Variants in UNC79 observed in about 807,000 individuals in gnomAD.
UNC79 encodes the protein unc-79 subunit of NALCN channel complex, also known as protein unc-79 homolog.
In UNC79, 37 loss-of-function variants were observed where a neutral mutation model predicts 283.1. The observed-to-expected ratio is 0.13, with a 90% CI of 0.10 to 0.17. The LOEUF (loss-of-function observed/expected upper bound fraction) is 0.17, where lower values mean the gene tolerates loss of function less well. Among genes scored for constraint, UNC79 ranks in the 10% least tolerant of loss-of-function variants. The pLI is 1.00. For missense variants in UNC79, 2,272 were observed against 3,211.1 expected, an observed-to-expected ratio of 0.71 and a Z score of 7.07; for synonymous variants, 1,107 against 1,200.2, an observed-to-expected ratio of 0.92 and a Z score of 1.61.
intron 26 of UNC79, 84 bp downstream of exon 26, chr14:93,603,502 G>GTA: frequency 6.9e-7 from 1 of 1,456,720 alleles, no homozygotes; most frequent in Middle Eastern, 2.3e-4. Context: ...TTCACAGAGA[G>GTA]TATAGCATGT....
intron 4 of UNC79, among the ~76,000 whole-genome samples, chr14:93,480,291 G>A (rs1002009531): frequency 6.6e-6 from 1 of 152,158 alleles, no homozygotes; most frequent in African/African-American, 2.4e-5. Flanking sequence ...GTCACTTCAT[G>A]TTCCCAAGGT....
intron 14 of UNC79, among the ~76,000 whole-genome samples, chr14:93,556,943 C>T (rs1315117427): frequency 6.6e-6 from 1 of 152,116 alleles, no homozygotes; most frequent in Non-Finnish European, 1.5e-5. Context: ...GCAACTGTTA[C>T]CAGTAAAAGG....
At chr14:93,572,666 A>G (rs1566677962) in intron 15 of UNC79, 27 bp from the exon 16 acceptor site, 2 of 1,613,336 alleles carry the variant, frequency 1.2e-6, no homozygotes, top group Non-Finnish European at 1.7e-6. Context: ...CCCATTGGTC[A>G]TTTACTTTTG....
chr14:93,497,858 C>T (rs996997386), intron 7 of UNC79, among the ~76,000 whole-genome samples: 1 of 151,870 alleles, frequency 6.6e-6, no homozygotes. Flanking sequence ...TGGTGGTGCA[C>T]GACTGTAGTC....
intron 1 of UNC79, among the ~76,000 whole-genome samples, chr14:93,418,539 G>C (rs2055515988): frequency 1.3e-5 from 2 of 151,734 alleles, no homozygotes; most frequent in South Asian, 4.2e-4. Context: ...GAGAACCACT[G>C]CTCTCTTCAA....
intron 30 of UNC79, among the ~76,000 whole-genome samples, chr14:93,625,304 C>G (rs137937574): frequency 6.6e-6 from 1 of 152,334 alleles, no homozygotes; most frequent in African/African-American, 2.4e-5. Flanking sequence ...GCTGCATACC[C>G]TCAGATCACG....
chr14:93,541,282 A>G lies in UNC79; in HGVS notation c.1524+451A>G, dbSNP rs968571606. 3.3e-5 allele frequency among the ~76,000 whole-genome samples: 5 copies of G among 152,224 alleles called. No individual in the cohort carries two copies. The South Asian group carries it at 1.0e-3, about 31-fold the overall frequency. On this transcript the variant is annotated intron_variant, in intron 13 of 48. Transcript: ENST00000555664. ...CTTTTTGTGTGTTTATGATATGTCT[A>G]TGTACACCAGAGACGTTATAGCCAA... is the stretch of plus-strand genomic sequence containing the variant.
At chr14:93,632,645 G>T (rs1448219975) in intron 31 of UNC79, among the ~76,000 whole-genome samples, 1 of 151,592 alleles carries the variant, frequency 6.6e-6, no homozygotes, top group Non-Finnish European at 1.5e-5. Flanking sequence ...GCTGCAGTGA[G>T]CTGTGATTGT....
chr14:93,435,055 G>C (rs1595473505), intron 1 of UNC79, among the ~76,000 whole-genome samples: 1 of 152,102 alleles, frequency 6.6e-6, no homozygotes, highest in African/African-American at 2.4e-5. Context: ...TCAATAGATA[G>C]TTTTCTTTAT....
At chr14:93,366,110 C>A (rs1469448174) in intron 1 of UNC79, among the ~76,000 whole-genome samples, 3 of 152,094 alleles carry the variant, frequency 2.0e-5, no homozygotes, top group Non-Finnish European at 4.4e-5. Context: ...GATTTTTTAA[C>A]CAATTAGAAT....
intron 13 of UNC79, 25 bp downstream of exon 13, chr14:93,540,856 T>C: frequency 6.2e-7 from 1 of 1,609,780 alleles, no homozygotes; most frequent in South Asian, 1.1e-5. Flanking sequence ...TTAACTATTC[T>C]CCACTTTCTT....
At chr14:93,572,149 C>A in intron 15 of UNC79, 65 bp downstream of exon 15, 1 of 1,530,508 alleles carries the variant, frequency 6.5e-7, no homozygotes, top group Non-Finnish European at 8.8e-7. Context: ...TGAGCATGTA[C>A]TGTATGCCGG....
rs2055944728 is a variant in UNC79, at chr14:93,433,222, A to C, written c.22+2171A>C. 2.6e-5 allele frequency among the ~76,000 whole-genome samples: 4 copies of C among 152,184 alleles called. No individual in the cohort carries two copies. In the South Asian group the frequency reaches 8.3e-4, roughly 32 times the overall value. Reference sequence around the variant, plus strand: ...AGGAGCTATCTTTGCTTTAGTCTTAAGGGTTTGGAGGGCAAAGGAGGTAAA... The same window carrying C: ...AGGAGCTATCTTTGCTTTAGTCTTACGGGTTTGGAGGGCAAAGGAGGTAAA... On this transcript the variant is annotated intron_variant, in intron 1 of 48. Coordinates refer to ENST00000555664, the Ensembl canonical transcript of UNC79.
intron 1 of UNC79, among the ~76,000 whole-genome samples, chr14:93,336,576 C>T (rs1243834979): frequency 2.0e-5 from 3 of 152,096 alleles, no homozygotes; most frequent in East Asian, 1.9e-4. Context: ...CTCCTGACCT[C>T]GTGATCCGCC....
intron 19 of UNC79, 47 bp from the exon 20 acceptor site, chr14:93,582,156 C>T (rs757505570): frequency 6.2e-7 from 1 of 1,613,518 alleles, no homozygotes; most frequent in East Asian, 2.2e-5. Flanking sequence ...CCGTTCCTGA[C>T]ACCCCTCCAG....
chr14:93,590,451 G>A (rs1029185758), intron 22 of UNC79, among the ~76,000 whole-genome samples: 3 of 152,120 alleles, frequency 2.0e-5, no homozygotes, highest in African/African-American at 7.2e-5. Context: ...AGATCTGGAC[G>A]AAAGGAGTGA....
At chr14:93,478,560 T>C (rs1005152394) in intron 4 of UNC79, among the ~76,000 whole-genome samples, 1 of 152,154 alleles carries the variant, frequency 6.6e-6, no homozygotes, top group Admixed American at 6.5e-5. Flanking sequence ...GCTATATGAC[T>C]TTAGGCAAAT....
intron 9 of UNC79, among the ~76,000 whole-genome samples, 173 bp downstream of exon 9, chr14:93,528,819 A>G (rs538141600): frequency 3.5e-4 from 54 of 152,338 alleles, no homozygotes; most frequent in Non-Finnish European, 7.5e-4. Flanking sequence ...GGAACATTAC[A>G]GCTTTGAAAA....
At chr14:93,536,773 C>T (rs2061099905) in intron 11 of UNC79, among the ~76,000 whole-genome samples, 2 of 142,252 alleles carry the variant, frequency 1.4e-5, no homozygotes, top group African/African-American at 5.2e-5. Flanking sequence ...ACCCCCCACC[C>T]ACCCCCGGCT....
Sources: gnomAD v4.1 joint callset for allele counts (sites outside exome capture counted in the v4.1 genomes callset) on GRCh38, gnomAD v4.1.1 for gene constraint, MANE v1.5 for transcripts, NCBI Gene and HGNC (gene_info 2026-07-23, HGNC 2026-07-21) for gene names.